The following UBE2R2 variants were observed in gnomAD, a reference collection of about 807,000 sequenced individuals.
UBE2R2 encodes the protein ubiquitin conjugating enzyme E2 R2, also known as ubiquitin-conjugating enzyme E2 R2.
In UBE2R2, 1 loss-of-function variant was observed where a neutral mutation model predicts 27.8. That is an observed-to-expected ratio of 0.04 (90% CI 0.01 to 0.17). The LOEUF (loss-of-function observed/expected upper bound fraction) is 0.17. UBE2R2 is among the 10% of genes least tolerant of loss of function. The pLI is 1.00. For missense variants in UBE2R2, 100 were observed against 291.0 expected, an observed-to-expected ratio of 0.34 and a Z score of 4.78; for synonymous variants, 106 against 113.3, an observed-to-expected ratio of 0.94 and a Z score of 0.41.
Position 33,836,062 on chromosome 9 carries a change from G to A in UBE2R2, c.177+18128G>A, listed in dbSNP as rs10971730. 9.0e-3 allele frequency among the ~76,000 whole-genome samples: 1,378 copies of A among 152,268 alleles called. 30 individuals are homozygous for A. Among genetic ancestry groups the A allele is most frequent in the African/African-American group, 0.032 (1,312 of 41,556 alleles). Reference sequence around the variant, plus strand: ...TCACGCCTGTTATCCCAGCACTTTCGGGAGGGCGAGGCAGATGGATCACCT... The same window carrying A: ...TCACGCCTGTTATCCCAGCACTTTCAGGAGGGCGAGGCAGATGGATCACCT... On this transcript the variant is annotated intron_variant, in intron 1 of 4. Coordinates refer to ENST00000263228, the MANE Select transcript of UBE2R2 (RefSeq NM_017811.4).
intron 1 of UBE2R2, among the ~76,000 whole-genome samples, chr9:33,850,610 T>A (rs1481426545): frequency 6.6e-6 from 1 of 152,206 alleles, no homozygotes; most frequent in East Asian, 1.9e-4. Flanking sequence ...CTCTTAAATT[T>A]GCCTGCCCCT....
chr9:33,869,423 T>TTTTTTTTATTTA (rs148327191), intron 1 of UBE2R2, among the ~76,000 whole-genome samples: 2 of 146,526 alleles, frequency 1.4e-5, no homozygotes, highest in Admixed American at 6.9e-5. Context: ...ATATACAATG[T>TTTTTTTTATTTA]TTTATTTATT....
intron 1 of UBE2R2, among the ~76,000 whole-genome samples, chr9:33,877,819 G>GTCTC (rs1435783363): frequency 1.2e-4 from 11 of 92,966 alleles, no homozygotes; most frequent in African/African-American, 1.7e-4. Flanking sequence ...CTGTCTGTCT[G>GTCTC]TCTGTCTCTC....
chr9:33,872,126 C>G (rs1273075363), intron 1 of UBE2R2, among the ~76,000 whole-genome samples: 3 of 151,562 alleles, frequency 2.0e-5, no homozygotes, highest in Non-Finnish European at 1.5e-5. Context: ...GTGGCTCAAG[C>G]TGGGATTACA....
At chr9:33,866,108 A>AGGCGT (rs1234783768) in intron 1 of UBE2R2, among the ~76,000 whole-genome samples, 3 of 152,046 alleles carry the variant, frequency 2.0e-5, no homozygotes, top group African/African-American at 7.2e-5. Flanking sequence ...CTGAGATTAC[A>AGGCGT]GGCGTGAGTC....
chr9:33,891,056 T>TTTTTTTTTTTTTTTG (rs1554676138), intron 2 of UBE2R2, among the ~76,000 whole-genome samples: 1 of 130,226 alleles, frequency 7.7e-6, no homozygotes, highest in Non-Finnish European at 1.6e-5. Flanking sequence ...TGTTTTTTTG[T>TTTTTTTTTTTTTTTG]TTTTTTTTTT....
At chr9:33,827,132 T>TATC (rs1820331853) in intron 1 of UBE2R2, among the ~76,000 whole-genome samples, 1 of 151,992 alleles carries the variant, frequency 6.6e-6, no homozygotes, top group East Asian at 1.9e-4. Context: ...GTTATTGTCT[T>TATC]ATTATTATTA....
At chr9:33,855,032 TG>T (rs1351103564) in intron 1 of UBE2R2, among the ~76,000 whole-genome samples, 1 of 152,120 alleles carries the variant, frequency 6.6e-6, no homozygotes, top group Non-Finnish European at 1.5e-5. Context: ...TTAACATTCC[TG>T]GCCATGATAG....
At chr9:33,900,133 CT>C in intron 2 of UBE2R2, 40 bp from the exon 3 acceptor site, 1 of 1,529,758 alleles carries the variant, frequency 6.5e-7, no homozygotes, top group Non-Finnish European at 9.0e-7. Flanking sequence ...TTGTACATCA[CT>C]TTTTGAGTAT....
At chr9:33,860,690 T>A (rs1465716651) in intron 1 of UBE2R2, among the ~76,000 whole-genome samples, 1 of 152,076 alleles carries the variant, frequency 6.6e-6, no homozygotes, top group Non-Finnish European at 1.5e-5. Context: ...CACTTGAGTA[T>A]AGGAGTTTGA....
At position 33,918,003 on chromosome 9, in the gene UBE2R2, T is replaced by C. The variant is rs1408393256; in HGVS notation, c.*766T>C. ...ACTTTCCATAGAACTGAGCACTTGGTTGCTATTTATTTTAAAGGCAGGGTT... is the reference window on the plus strand; with the variant it reads ...ACTTTCCATAGAACTGAGCACTTGGCTGCTATTTATTTTAAAGGCAGGGTT... On this transcript the variant is annotated 3_prime_UTR_variant, in exon 5 of 5. Coordinates refer to ENST00000263228, the MANE Select transcript of UBE2R2 (RefSeq NM_017811.4). 1.3e-5 allele frequency: 2 copies of C among 153,708 alleles called. No individual in the cohort carries two copies. Among genetic ancestry groups the C allele is most frequent in the Admixed American group, 1.3e-4 (2 of 15,278 alleles). 9.5% of individuals were successfully genotyped at this position (153,708 alleles called of 1,614,324 possible). A position where few individuals can be genotyped will look rare whatever the true frequency, so the allele number is the denominator to read the frequency against.
chr9:33,888,465 G>T (rs368959454), intron 2 of UBE2R2, among the ~76,000 whole-genome samples: 1 of 152,098 alleles, frequency 6.6e-6, no homozygotes, highest in South Asian at 2.1e-4. Flanking sequence ...GTGGATGTTG[G>T]AAGTACCTTT....
intron 1 of UBE2R2, among the ~76,000 whole-genome samples, chr9:33,863,688 TTTTG>T (rs1821297119): frequency 6.6e-6 from 1 of 152,046 alleles, no homozygotes; most frequent in Admixed American, 6.6e-5. Context: ...TTTTATTGGG[TTTTG>T]TTTGTTTTTT....
At chr9:33,896,506 G>A (rs1423571400) in intron 2 of UBE2R2, among the ~76,000 whole-genome samples, 1 of 151,388 alleles carries the variant, frequency 6.6e-6, no homozygotes, top group African/African-American at 2.4e-5. Flanking sequence ...GCAGTAATAC[G>A]ATCTCGGCTC....
rs1222408644 is a variant in UBE2R2 at position 33,897,318 on chromosome 9, C to G, written c.265-2856C>G. 1.1e-4 allele frequency among the ~76,000 whole-genome samples: 10 copies of G among 88,828 alleles called. No homozygotes were observed. In the Admixed American group the frequency reaches 1.3e-3, roughly 11 times the overall value. 58.3% of individuals were successfully genotyped at this position (88,828 alleles called of 152,430 possible). A position where few individuals can be genotyped will look rare whatever the true frequency, so the allele number is the denominator to read the frequency against. ...CCCAAAGTGCTGGGATTCAGAAAAA[C>G]TCTTTTTTTTTTTTGGAGACAAGAG... is the stretch of plus-strand genomic sequence containing the variant. On this transcript the variant is annotated intron_variant, in intron 2 of 4. Transcript: ENST00000263228.
intron 1 of UBE2R2, among the ~76,000 whole-genome samples, chr9:33,883,749 G>A (rs1215671244): frequency 6.7e-6 from 1 of 148,526 alleles, no homozygotes. Context: ...AAAAGAATAA[G>A]GTCAATAAAT....
intron 1 of UBE2R2, among the ~76,000 whole-genome samples, chr9:33,872,049 C>A (rs1433337418): frequency 6.6e-6 from 1 of 151,844 alleles, no homozygotes; most frequent in African/African-American, 2.4e-5. Context: ...ATATATAGGT[C>A]AAATTTAAAA....
At position 33,917,148 on chromosome 9, in the gene UBE2R2, T is replaced by C; in HGVS notation, c.628T>C (p.Leu210=). Residue 210 remains leucine (L), a synonymous_variant, in exon 5 of 5, where the codon TTG becomes CTG. Transcript: ENST00000263228. ...CAGCTCAGATTTGCTTTACGACGACTTGTATGATGACGACATTGATGATGA... is the reference window on the plus strand; with the variant it reads ...CAGCTCAGATTTGCTTTACGACGACCTGTATGATGACGACATTGATGATGA... The part of the protein sequence containing the change: ...DNSSDLLYDD[L]YDDDIDDEDE... 1 of 1,614,136 alleles carries C rather than the reference T, an allele frequency of 6.2e-7. No homozygotes were observed.
At chr9:33,832,790 TAGTC>T (rs1383401587) in intron 1 of UBE2R2, among the ~76,000 whole-genome samples, 1 of 152,034 alleles carries the variant, frequency 6.6e-6, no homozygotes, top group Non-Finnish European at 1.5e-5. Context: ...TAGTTTTAAG[TAGTC>T]AGGTTTATGG....
Sources: gnomAD v4.1 joint callset for allele counts (sites outside exome capture counted in the v4.1 genomes callset) on GRCh38, gnomAD v4.1.1 for gene constraint, MANE v1.5 for transcripts, NCBI Gene and HGNC (gene_info 2026-07-23, HGNC 2026-07-21) for gene names.